ST6GALNAC3: variants seen among roughly 807,000 people sequenced by gnomAD.
ST6GALNAC3 encodes ST6 N-acetylgalactosaminide alpha-2,6-sialyltransferase 3.
Under a neutral mutation model 32.7 loss-of-function variants are expected in ST6GALNAC3, and 25 were observed. That is an observed-to-expected ratio of 0.76 (90% confidence interval 0.56 to 1.07). The LOEUF (loss-of-function observed/expected upper bound fraction) is 1.07. Among genes scored for constraint, ST6GALNAC3 ranks in the 50% least tolerant of loss-of-function variants. ST6GALNAC3 has a pLI of 0.00. For missense variants in ST6GALNAC3, 355 were observed against 382.4 expected (o/e 0.93, Z 0.60); for synonymous variants, 129 against 133.1 (o/e 0.97, Z 0.21).
At chr1:76,396,457 G>T (rs34103096) in intron 2 of ST6GALNAC3, among the ~76,000 whole-genome samples, 3,898 of 152,182 alleles carry the variant, frequency 0.026, 62 homozygotes, top group Non-Finnish European at 0.033. Flanking sequence ...AGAGGGAGAC[G>T]CTGTCTCAAG....
At chr1:76,214,526 G>A (rs1234233659) in intron 1 of ST6GALNAC3, among the ~76,000 whole-genome samples, 2 of 152,144 alleles carry the variant, frequency 1.3e-5, no homozygotes, top group East Asian at 3.9e-4. Context: ...CACATTAAGG[G>A]AAGCTGTGAT....
At chr1:76,377,138 A>C (rs1471783468) in intron 2 of ST6GALNAC3, among the ~76,000 whole-genome samples, 1 of 152,214 alleles carries the variant, frequency 6.6e-6, no homozygotes, top group Non-Finnish European at 1.5e-5. Context: ...AGTGAAAACC[A>C]AAGCACTTCA....
At chr1:76,089,962 A>G (rs1647021938) in intron 1 of ST6GALNAC3, among the ~76,000 whole-genome samples, 1 of 152,198 alleles carries the variant, frequency 6.6e-6, no homozygotes, top group African/African-American at 2.4e-5. Flanking sequence ...ACTGGCTCAG[A>G]GAAGGTAAGA....
At chr1:76,180,346 A>T (rs777597894) in intron 1 of ST6GALNAC3, among the ~76,000 whole-genome samples, 5 of 152,180 alleles carry the variant, frequency 3.3e-5, no homozygotes, top group Non-Finnish European at 1.5e-5. Flanking sequence ...CTAACGTTTA[A>T]TCTTCCCAAC....
At chr1:76,562,637 A>G (rs1665311685) in intron 3 of ST6GALNAC3, among the ~76,000 whole-genome samples, 1 of 152,184 alleles carries the variant, frequency 6.6e-6, no homozygotes, top group Admixed American at 6.5e-5. Flanking sequence ...CATTTAAATT[A>G]TTTTTACTAT....
chr1:76,272,815 C>A (rs1658927539), intron 1 of ST6GALNAC3, among the ~76,000 whole-genome samples: 1 of 152,178 alleles, frequency 6.6e-6, no homozygotes. Context: ...ACTTAGCCTC[C>A]TCCCTAGTTT....
intron 3 of ST6GALNAC3, among the ~76,000 whole-genome samples, chr1:76,538,081 G>A (rs947532289): frequency 6.6e-6 from 1 of 152,048 alleles, no homozygotes; most frequent in Non-Finnish European, 1.5e-5. Context: ...GAAAATTTCA[G>A]GCCAATATCC....
chr1:76,385,568 G>C (rs1473615335), intron 2 of ST6GALNAC3, among the ~76,000 whole-genome samples: 1 of 152,050 alleles, frequency 6.6e-6, no homozygotes, highest in African/African-American at 2.4e-5. Context: ...AATATAATTA[G>C]TTACAACAGT....
chr1:76,461,034 G>A (rs1478477288), intron 3 of ST6GALNAC3, among the ~76,000 whole-genome samples: 1 of 152,128 alleles, frequency 6.6e-6, no homozygotes, highest in East Asian at 1.9e-4. Flanking sequence ...TCATTTGAAT[G>A]GCCTATTTAT....
At chr1:76,285,153 T>G (rs927620029) in intron 1 of ST6GALNAC3, among the ~76,000 whole-genome samples, 5 of 152,142 alleles carry the variant, frequency 3.3e-5, no homozygotes, top group Non-Finnish European at 7.3e-5. Flanking sequence ...CTAAAGCCTG[T>G]GAGAACACAC....
At chr1:76,374,905 G>GT (rs76057182) in intron 2 of ST6GALNAC3, among the ~76,000 whole-genome samples, 24,464 of 151,654 alleles carry the variant, frequency 0.16, 2,997 homozygotes, top group East Asian at 0.6. Flanking sequence ...ACCAAAAAAT[G>GT]TTTTTTTTGT....
intron 1 of ST6GALNAC3, among the ~76,000 whole-genome samples, chr1:76,200,629 G>A (rs1422626151): frequency 6.6e-6 from 1 of 152,114 alleles, no homozygotes; most frequent in African/African-American, 2.4e-5. Context: ...ATATTGGATG[G>A]TTTTGGTTGA....
chr1:76,113,162 C>T (rs1648192899), intron 1 of ST6GALNAC3, among the ~76,000 whole-genome samples: 1 of 152,088 alleles, frequency 6.6e-6, no homozygotes, highest in Admixed American at 6.5e-5. Context: ...ACAGCGAAAC[C>T]CCGTCTCCAC....
chr1:76,281,886 A>G (rs1659516045), intron 1 of ST6GALNAC3, among the ~76,000 whole-genome samples: 1 of 152,186 alleles, frequency 6.6e-6, no homozygotes, highest in South Asian at 2.1e-4. Flanking sequence ...ACATCTATTG[A>G]GGTCATACCA....
intron 1 of ST6GALNAC3, among the ~76,000 whole-genome samples, chr1:76,091,866 T>C (rs149917728): frequency 1.3e-5 from 2 of 152,334 alleles, no homozygotes; most frequent in East Asian, 3.9e-4. Flanking sequence ...GATGTGGTTC[T>C]CAGAACATAT....
In ST6GALNAC3 at chr1:76,624,307, G is replaced by A. The variant is rs143804571; in HGVS notation, c.624-3145G>A. Among the ~76,000 whole-genome samples the A allele has an allele frequency of 3.0e-4, 45 of 152,062 alleles. No individual in the cohort carries two copies. The East Asian group carries it at 8.3e-3, about 28-fold the overall frequency. ...TCCTTATTAGGTGGTAAGATGGCAA[G>A]ATCCTTGACCAGATGCCAAACCCTG... On this transcript the variant is annotated intron_variant, in intron 3 of 4. Coordinates refer to ENST00000328299, the MANE Select transcript of ST6GALNAC3 (RefSeq NM_152996.4).
At chr1:76,271,459 C>T (rs1255009484) in intron 1 of ST6GALNAC3, among the ~76,000 whole-genome samples, 1 of 152,154 alleles carries the variant, frequency 6.6e-6, no homozygotes, top group Non-Finnish European at 1.5e-5. Flanking sequence ...AACCACTAAG[C>T]AAAATGCACA....
At chr1:76,165,633 C>A (rs1231430124) in intron 1 of ST6GALNAC3, among the ~76,000 whole-genome samples, 2 of 152,156 alleles carry the variant, frequency 1.3e-5, no homozygotes, top group Non-Finnish European at 2.9e-5. Flanking sequence ...ACACTCCCAC[C>A]AACAGTGTAT....
intron 1 of ST6GALNAC3, among the ~76,000 whole-genome samples, chr1:76,245,350 C>A (rs191427813): frequency 6.6e-6 from 1 of 151,866 alleles, no homozygotes; most frequent in Non-Finnish European, 1.5e-5. Flanking sequence ...AGCTAGTGGT[C>A]TATTTTTGTT....
Sources: gnomAD v4.1 joint callset for allele counts (sites outside exome capture counted in the v4.1 genomes callset) on GRCh38, gnomAD v4.1.1 for gene constraint, MANE v1.5 for transcripts, NCBI Gene and HGNC (gene_info 2026-07-23, HGNC 2026-07-21) for gene names.